Variants in SAP130 observed in about 807,000 individuals in gnomAD.
The protein encoded by SAP130 is Sin3A associated protein 130, also known as histone deacetylase complex subunit SAP130.
A neutral mutation model predicts 103.2 loss-of-function variants in SAP130; 16 were observed. That is an observed-to-expected ratio of 0.16 (90% CI 0.10 to 0.24). The LOEUF is 0.24. Ranked by LOEUF, SAP130 falls within the 10% of genes least tolerant of loss-of-function variation. The probability of loss-of-function intolerance (pLI) is 1.00; values close to 1 mark genes in which losing one functional copy is unlikely to be tolerated. For missense variants in SAP130, 990 were observed against 1,359.7 expected, an observed-to-expected ratio of 0.73 and a Z score of 4.28; for synonymous variants, 477 against 497.0, an observed-to-expected ratio of 0.96 and a Z score of 0.53.
chr2:127,964,368 C>A (rs563334910), intron 15 of SAP130, among the ~76,000 whole-genome samples: 1 of 151,680 alleles, frequency 6.6e-6, no homozygotes, highest in South Asian at 2.1e-4. Flanking sequence ...TTGGTGGATG[C>A]CTGTAATCCC....
intron 6 of SAP130, 108 bp downstream of exon 6, chr2:128,012,922 A>C (rs1443899383): frequency 9.0e-7 from 1 of 1,105,916 alleles, no homozygotes; most frequent in African/African-American, 1.6e-5. Flanking sequence ...AAACTTCCCT[A>C]TGTCTTGGCA....
chr2:127,941,944 C>G lies in SAP130; in HGVS notation c.*62G>C. ...TTCCACTTTGGAAAAAACCAAAACC[C>G]TCCCCCCACCCCCACCATCATTCTT... On this transcript the variant is annotated 3_prime_UTR_variant, in exon 21 of 21. Transcript: ENST00000643581. 3 of 233,476 alleles carry G rather than the reference C, an allele frequency of 1.3e-5. No homozygotes were observed. The highest frequency in any genetic ancestry group is 3.7e-5 in the African/African-American group (1 of 27,214). The allele number at this position is 233,476 out of a possible 1,614,324, so 14.5% of individuals were successfully genotyped here.
chr2:128,017,966 G>C (rs1684892469), intron 2 of SAP130, 51 bp from the exon 3 acceptor site: 1 of 1,451,416 alleles, frequency 6.9e-7, no homozygotes, highest in African/African-American at 1.4e-5. Flanking sequence ...CCCAGTGTAA[G>C]ATAGCAGCAC....
chr2:127,978,772 G>C (rs1681652757), intron 14 of SAP130, among the ~76,000 whole-genome samples: 1 of 152,310 alleles, frequency 6.6e-6, no homozygotes, highest in South Asian at 2.1e-4. Context: ...GTGAGCACCA[G>C]ACATCATGTG....
chr2:127,956,038 TTTTTC>T (rs1228405737), intron 15 of SAP130, among the ~76,000 whole-genome samples: 2 of 152,222 alleles, frequency 1.3e-5, no homozygotes, highest in Non-Finnish European at 2.9e-5. Context: ...TTTCTGTTTT[TTTTTC>T]TTTTCTTTCT....
intron 15 of SAP130, among the ~76,000 whole-genome samples, chr2:127,975,597 C>T (rs1174723352): frequency 2.0e-5 from 3 of 152,080 alleles, no homozygotes; most frequent in Admixed American, 6.6e-5. Context: ...AAGGCTGAAG[C>T]GTTGAAGTTA....
At chr2:127,966,459 C>T (rs1297356799) in intron 15 of SAP130, among the ~76,000 whole-genome samples, 1 of 150,740 alleles carries the variant, frequency 6.6e-6, no homozygotes, top group African/African-American at 2.4e-5. Flanking sequence ...TCCTAGCACT[C>T]TGGGAGGCCG....
chr2:128,027,319 C>T, intron 1 of SAP130: 1 of 1,156,506 alleles, frequency 8.6e-7, no homozygotes, highest in Non-Finnish European at 1.1e-6. Context: ...CCCTGCCTCC[C>T]CCGCCCGCCC....
Position 127,959,823 on chromosome 2 carries a change from T to TA in SAP130, c.2064-4480dup, listed in dbSNP as rs907829936. ...AATCAAAAAGATAGAAAAAACTTAG[T>TA]AAAAAAAAACCCCAAAGTTATAAAA... is the stretch of plus-strand genomic sequence containing the variant. On this transcript the variant is annotated intron_variant, in intron 15 of 20. Coordinates refer to ENST00000643581, the MANE Select transcript of SAP130 (RefSeq NM_001330301.2). Among the ~76,000 whole-genome samples, 15 of 151,302 alleles carry TA rather than the reference T, an allele frequency of 9.9e-5. No individual in the cohort carries two copies. The East Asian group carries it at 1.4e-3, about 14-fold the overall frequency.
chr2:128,015,758 A>G (rs1371341018), intron 4 of SAP130, among the ~76,000 whole-genome samples: 2 of 152,038 alleles, frequency 1.3e-5, no homozygotes, highest in Non-Finnish European at 2.9e-5. Flanking sequence ...CCTGGCCAAC[A>G]TGGTGAAACC....
At chr2:127,971,477 C>CG (rs1681089192) in intron 15 of SAP130, among the ~76,000 whole-genome samples, 1 of 152,024 alleles carries the variant, frequency 6.6e-6, no homozygotes, top group African/African-American at 2.4e-5. Context: ...TTAGTAGAGA[C>CG]GGGGTTTCAC....
Position 128,026,040 on chromosome 2 carries a change from T to C in SAP130, c.112+141A>G, listed in dbSNP as rs529422674. ...GAAGGAAAAAAAGCCTTGTTTAAAT[T>C]AGAATAGTAATATACCCTTTCTTCA... On this transcript the variant is annotated intron_variant, in intron 2 of 20. Transcript: ENST00000643581. 8.0e-5 allele frequency: 50 copies of C among 625,362 alleles called. 1 individual carries two copies. The African/African-American group carries it at 8.8e-4, about 11-fold the overall frequency. 38.7% of individuals were successfully genotyped at this position (625,362 alleles called of 1,614,324 possible). A position where few individuals can be genotyped will look rare whatever the true frequency, so the allele number is the denominator to read the frequency against.
chr2:128,004,528 T>C (rs1421861056), intron 7 of SAP130, among the ~76,000 whole-genome samples: 2 of 151,994 alleles, frequency 1.3e-5, no homozygotes. Context: ...TTTCTGGGGC[T>C]ATAATTCTGG....
At chr2:128,012,446 G>T (rs1413082087) in intron 6 of SAP130, among the ~76,000 whole-genome samples, 1 of 151,976 alleles carries the variant, frequency 6.6e-6, no homozygotes, top group Non-Finnish European at 1.5e-5. Context: ...CTTCAGCCTG[G>T]GCAACAGAGT....
chr2:127,960,967 T>C (rs1056368458), intron 15 of SAP130, among the ~76,000 whole-genome samples: 3 of 151,810 alleles, frequency 2.0e-5, no homozygotes, highest in African/African-American at 7.2e-5. Context: ...CATAAGCAAA[T>C]ACAAATGTTT....
chr2:127,997,986 T>C (rs1232998698), intron 10 of SAP130, among the ~76,000 whole-genome samples: 1 of 151,842 alleles, frequency 6.6e-6, no homozygotes, highest in East Asian at 1.9e-4. Flanking sequence ...TGGTGGTATG[T>C]GCCTGTGATC....
chr2:127,954,964 A>G, intron 16 of SAP130, 22 bp downstream of exon 16: 1 of 1,525,416 alleles, frequency 6.6e-7, no homozygotes, highest in South Asian at 1.2e-5. Context: ...GCCAATGGAG[A>G]GTATTCTATG....
intron 15 of SAP130, among the ~76,000 whole-genome samples, chr2:127,975,705 T>C (rs1393779072): frequency 1.3e-5 from 2 of 152,184 alleles, no homozygotes; most frequent in East Asian, 1.9e-4. Flanking sequence ...ATGAGTGGTG[T>C]TGAGTGAATC....
intron 19 of SAP130, among the ~76,000 whole-genome samples, chr2:127,943,351 T>C (rs1678841676): frequency 6.6e-6 from 1 of 152,216 alleles, no homozygotes; most frequent in African/African-American, 2.4e-5. Context: ...GATCCAACAC[T>C]GGATGGATAA....
Sources: gnomAD v4.1 joint callset for allele counts (sites outside exome capture counted in the v4.1 genomes callset) on GRCh38, gnomAD v4.1.1 for gene constraint, MANE v1.5 for transcripts, NCBI Gene and HGNC (gene_info 2026-07-23, HGNC 2026-07-21) for gene names.